Variants in PTGFR observed in about 807,000 individuals in gnomAD.
PTGFR encodes prostaglandin F receptor, also known as prostaglandin F2-alpha receptor.
PTGFR carries 15 observed loss-of-function variants against 26.2 expected under a neutral mutation model. The ratio of observed to expected loss-of-function variants is 0.57; its 90% CI spans 0.38 to 0.88. PTGFR has a LOEUF of 0.88. Ranked by LOEUF, PTGFR falls within the 40% of genes least tolerant of loss-of-function variation. The probability of loss-of-function intolerance (pLI) is 0.00; values close to 1 mark genes in which losing one functional copy is unlikely to be tolerated. For synonymous variants in PTGFR, 165 were observed against 151.1 expected (o/e 1.09, Z -0.68); for missense variants, 369 against 427.2 (o/e 0.86, Z 1.20).
Position 78,534,032 on chromosome 1 carries a change from T to C in PTGFR, c.799-2374T>C, listed in dbSNP as rs77505179. ...GTTATCAGGTGAATTAATTTTTTCATAGAATATTCAAATACTTTGTCCTGT... is the reference window on the plus strand; with the variant it reads ...GTTATCAGGTGAATTAATTTTTTCACAGAATATTCAAATACTTTGTCCTGT... On this transcript the variant is annotated intron_variant, in intron 2 of 2. Transcript: ENST00000370757. 1.7e-3 allele frequency among the ~76,000 whole-genome samples: 259 copies of C among 152,310 alleles called. 4 individuals are homozygous for C. The highest frequency in any genetic ancestry group is 0.015 in the East Asian group (80 of 5,182).
At chr1:78,491,264 A>G (rs1215713400) in intron 1 of PTGFR, 28 bp downstream of exon 1, 2 of 152,294 alleles carry the variant, frequency 1.3e-5, no homozygotes, top group Admixed American at 6.5e-5. Context: ...GCTGATCCCA[A>G]TGCATCGGCT....
chr1:78,502,057 GAGA>G (rs1367696463), intron 2 of PTGFR, among the ~76,000 whole-genome samples: 1 of 152,190 alleles, frequency 6.6e-6, no homozygotes, highest in East Asian at 1.9e-4. Context: ...GAAAGGAAGA[GAGA>G]AGAAGCTCAT....
chr1:78,493,451 G>A lies in PTGFR; in HGVS notation c.708G>A (p.Gln236=), dbSNP rs1649467966. Residue 236 remains glutamine, a synonymous_variant, in exon 2 of 3, where the codon CAG becomes CAA. Coordinates refer to ENST00000370757, the MANE Select transcript of PTGFR (RefSeq NM_000959.4). ...TAAGAGTTAAATTTAAAAGTCAGCA[G>A]CACAGACAAGGCAGATCTCATCATT... The part of the protein sequence containing the change: ...TLLRVKFKSQ[Q]HRQGRSHHLE... 2 of 1,612,068 alleles carry A rather than the reference G, an allele frequency of 1.2e-6. No homozygotes were observed. The highest frequency in any genetic ancestry group is 1.3e-5 in the African/African-American group (1 of 74,848).
intron 2 of PTGFR, among the ~76,000 whole-genome samples, chr1:78,534,520 T>C (rs989893210): frequency 1.3e-5 from 2 of 152,088 alleles, no homozygotes; most frequent in Admixed American, 6.6e-5. Flanking sequence ...CACAAATTTC[T>C]TAGGGGAAAA....
At chr1:78,510,958 C>T (rs1379448747) in intron 2 of PTGFR, among the ~76,000 whole-genome samples, 1 of 152,176 alleles carries the variant, frequency 6.6e-6, no homozygotes, top group Non-Finnish European at 1.5e-5. Flanking sequence ...TTAAATAGTT[C>T]TTGACTCCAT....
intron 2 of PTGFR, among the ~76,000 whole-genome samples, chr1:78,523,744 A>G (rs960008501): frequency 2.6e-5 from 4 of 152,144 alleles, no homozygotes; most frequent in African/African-American, 9.7e-5. Flanking sequence ...ATGGTGAACC[A>G]TATTCTGTGG....
chr1:78,509,582 G>GT (rs367615656), intron 2 of PTGFR, among the ~76,000 whole-genome samples: 5 of 152,284 alleles, frequency 3.3e-5, no homozygotes, highest in African/African-American at 1.2e-4. Context: ...TGAAAAGATA[G>GT]TTTCCGATAC....
chr1:78,508,032 T>G (rs557393735), intron 2 of PTGFR, among the ~76,000 whole-genome samples: 1 of 152,328 alleles, frequency 6.6e-6, no homozygotes, highest in South Asian at 2.1e-4. Flanking sequence ...GGGATTATCT[T>G]TGGAATTTGT....
chr1:78,503,475 C>T (rs541890999), intron 2 of PTGFR, among the ~76,000 whole-genome samples: 1 of 152,136 alleles, frequency 6.6e-6, no homozygotes, highest in Non-Finnish European at 1.5e-5. Flanking sequence ...TTTTCATTTA[C>T]TCATGAATAA....
At chr1:78,496,842 A>G (rs1410941099) in intron 2 of PTGFR, among the ~76,000 whole-genome samples, 2 of 152,158 alleles carry the variant, frequency 1.3e-5, no homozygotes, top group Non-Finnish European at 2.9e-5. Context: ...GGGTCTATAG[A>G]AAAATGAATA....
intron 2 of PTGFR, among the ~76,000 whole-genome samples, chr1:78,508,819 G>A (rs1201155262): frequency 6.6e-6 from 1 of 152,120 alleles, no homozygotes; most frequent in African/African-American, 2.4e-5. Flanking sequence ...AAGCCTTAAA[G>A]TGGAAAATTA....
rs1433002705 is a variant in PTGFR at position 78,492,848 on chromosome 1, C to A, written c.105C>A (p.Ile35=). The A allele has an allele frequency of 1.2e-5, 19 of 1,614,238 alleles. No homozygotes were observed. The highest frequency in any genetic ancestry group is 1.6e-5 in the Non-Finnish European group (19 of 1,180,052). Residue 35 remains isoleucine, a synonymous_variant, in exon 2 of 3, where the codon ATC becomes ATA. Transcript: ENST00000370757. ...ENRLSVFFSV[I]FMTVGILSNS... is the part of the protein sequence containing the mutation. ...GGCTTTCCGTATTTTTTTCAGTAAT[C>A]TTCATGACAGTGGGAATCTTGTCAA... is the stretch of plus-strand genomic sequence containing the variant.
chr1:78,501,797 C>G (rs1649712776), intron 2 of PTGFR, among the ~76,000 whole-genome samples: 1 of 152,102 alleles, frequency 6.6e-6, no homozygotes, highest in Non-Finnish European at 1.5e-5. Context: ...TAGAGTTACT[C>G]TAAGACAATT....
chr1:78,511,891 C>T (rs189962893), intron 2 of PTGFR, among the ~76,000 whole-genome samples: 13 of 152,026 alleles, frequency 8.6e-5, no homozygotes, highest in East Asian at 1.9e-4. Context: ...AACACTTTGC[C>T]GCTTGCTTCT....
At chr1:78,500,076 T>C (rs539826715) in intron 2 of PTGFR, among the ~76,000 whole-genome samples, 5 of 152,026 alleles carry the variant, frequency 3.3e-5, no homozygotes, top group Admixed American at 2.6e-4. Flanking sequence ...TTTTTTGGTA[T>C]TTTATCTCTG....
rs12087104 is a variant in PTGFR, at chr1:78,516,999, A to T, written c.799-19407A>T. On this transcript the variant is annotated intron_variant, in intron 2 of 2. Coordinates refer to ENST00000370757, the MANE Select transcript of PTGFR (RefSeq NM_000959.4). Reference sequence around the variant, plus strand: ...TATCCTAAGTGTCTTGCAAAATCTGATGTGTTTGCTATGAGAACACTACTG... The same window carrying T: ...TATCCTAAGTGTCTTGCAAAATCTGTTGTGTTTGCTATGAGAACACTACTG... Among the ~76,000 whole-genome samples, 537 of 152,220 alleles carry T rather than the reference A, an allele frequency of 3.5e-3. 2 individuals carry two copies. Among genetic ancestry groups the T allele is most frequent in the African/African-American group, 0.012 (488 of 41,548 alleles).
chr1:78,521,372 T>C (rs1650237715), intron 2 of PTGFR, among the ~76,000 whole-genome samples: 1 of 152,174 alleles, frequency 6.6e-6, no homozygotes. Flanking sequence ...ATGGCTGAAC[T>C]ACTTGATTAT....
In PTGFR at chr1:78,536,454, T is replaced by C. The variant is rs199925895; in HGVS notation, c.847T>C (p.Cys283Arg). ...AAATGGAAATCATTCTCTGGAAACC[T>C]GTGAAACAACACTTTTTGCTCTCCG... Reference protein sequence around the residue: ...GINGNHSLETCETTLFALRMA... With the variant: ...GINGNHSLETRETTLFALRMA... Residue 283 changes from cysteine to arginine, a missense_variant, in exon 3 of 3, where the codon TGT becomes CGT. Coordinates refer to ENST00000370757, the MANE Select transcript of PTGFR (RefSeq NM_000959.4). The C allele has an allele frequency of 1.2e-6, 2 of 1,613,182 alleles. No individual in the cohort carries two copies. Among genetic ancestry groups the C allele is most frequent in the South Asian group, 1.1e-5 (1 of 91,008 alleles).
intron 2 of PTGFR, among the ~76,000 whole-genome samples, chr1:78,515,277 G>A (rs953296966): frequency 4.6e-5 from 7 of 152,064 alleles, no homozygotes; most frequent in African/African-American, 1.2e-4. Flanking sequence ...CTCAATGACT[G>A]GCCTATACCA....
Sources: allele counts gnomAD v4.1 joint callset (sites outside exome capture counted in the v4.1 genomes callset), GRCh38; gene constraint gnomAD v4.1.1; transcripts MANE v1.5; gene names NCBI Gene and HGNC (gene_info 2026-07-23, HGNC 2026-07-21).